Variants in SEM1 observed in about 807,000 individuals in gnomAD.
SEM1 encodes the protein 26S proteasome complex subunit SEM1.
SEM1 carries 3 observed loss-of-function variants against 12.7 expected under a neutral mutation model. The observed-to-expected ratio is 0.24, with a 90% CI of 0.11 to 0.61. The LOEUF is 0.61. Ranked by LOEUF, SEM1 falls within the 20% of genes least tolerant of loss-of-function variation. SEM1 has a pLI of 0.88. For missense variants in SEM1, 59 were observed against 81.3 expected, an observed-to-expected ratio of 0.73 and a Z score of 1.06; for synonymous variants, 30 against 27.8, an observed-to-expected ratio of 1.08 and a Z score of -0.25.
chr7:96,528,324 T>A lies in SEM1; in HGVS notation c.171-21626A>T, dbSNP rs1294079001. Among the ~76,000 whole-genome samples the A allele has an allele frequency of 2.0e-5, 3 of 152,032 alleles. No individual in the cohort carries two copies. In the East Asian group the frequency reaches 5.8e-4, roughly 30 times the overall value. On this transcript the variant is annotated intron_variant and NMD_transcript_variant, in intron 2 of 3. Transcript: ENST00000466986. ...TCCTCCTACATCAGCCTCCCAAGTA[T>A]CTGGGACTACAGGCGTGCCACCACA...
intron 2 of SEM1, among the ~76,000 whole-genome samples, chr7:96,683,231 C>A (rs1789668451): frequency 6.6e-6 from 1 of 151,526 alleles, no homozygotes; most frequent in Non-Finnish European, 1.5e-5. Flanking sequence ...ATGATATGAA[C>A]AGACACTTCT....
intron 2 of SEM1, among the ~76,000 whole-genome samples, chr7:96,681,225 GT>G (rs531846942): frequency 6.6e-6 from 1 of 152,124 alleles, no homozygotes; most frequent in Non-Finnish European, 1.5e-5. Flanking sequence ...TTTACAAGTA[GT>G]TTAGATTTTA....
intron 1 of SEM1, chr7:96,696,183 C>T (rs912274711): frequency 4.0e-5 from 6 of 151,742 alleles, no homozygotes; most frequent in African/African-American, 1.5e-4. Context: ...CCATCTCACC[C>T]TATTTTAATG....
At chr7:96,636,289 G>A (rs1446294307) in intron 2 of SEM1, among the ~76,000 whole-genome samples, 1 of 150,872 alleles carries the variant, frequency 6.6e-6, no homozygotes, top group Admixed American at 6.7e-5. Flanking sequence ...CTGGTTCCTG[G>A]TCAGAGTTTC....
chr7:96,705,045 G>A (rs993435893), intron 1 of SEM1, among the ~76,000 whole-genome samples: 2 of 152,170 alleles, frequency 1.3e-5, no homozygotes, highest in African/African-American at 4.8e-5. Flanking sequence ...ACTGTAAGAT[G>A]TCATACTTTT....
intron 2 of SEM1, among the ~76,000 whole-genome samples, chr7:96,564,876 T>A (rs1471832585): frequency 6.6e-6 from 1 of 152,064 alleles, no homozygotes; most frequent in Non-Finnish European, 1.5e-5. Context: ...TTATTGTGTT[T>A]GTATTTTCCA....
intron 1 of SEM1, among the ~76,000 whole-genome samples, chr7:96,698,816 T>C (rs1790179903): frequency 6.6e-6 from 1 of 152,186 alleles, no homozygotes; most frequent in Non-Finnish European, 1.5e-5. Context: ...TTATTTCTAG[T>C]TCTAGATCCT....
At chr7:96,665,020 G>A (rs1789132276) in intron 2 of SEM1, among the ~76,000 whole-genome samples, 1 of 152,096 alleles carries the variant, frequency 6.6e-6, no homozygotes, top group Non-Finnish European at 1.5e-5. Context: ...AGTTCTCCCA[G>A]ATTCACAATC....
chr7:96,665,782 T>TA (rs1378096355), intron 2 of SEM1, among the ~76,000 whole-genome samples: 1 of 152,194 alleles, frequency 6.6e-6, no homozygotes, highest in African/African-American at 2.4e-5. Context: ...CAAGGGTTTT[T>TA]AAGGTCTCCA....
At chr7:96,629,051 C>G (rs1048000855) in intron 2 of SEM1, among the ~76,000 whole-genome samples, 1 of 152,132 alleles carries the variant, frequency 6.6e-6, no homozygotes, top group Non-Finnish European at 1.5e-5. Context: ...TTTCTTTTCT[C>G]TTGCTGCTAT....
chr7:96,488,812 A>G (rs765500620), intron 1 of SEM1, among the ~76,000 whole-genome samples: 1 of 152,160 alleles, frequency 6.6e-6, no homozygotes, highest in Non-Finnish European at 1.5e-5. Context: ...TTCCGTGCCA[A>G]AATGAAGTGT....
chr7:96,504,083 A>G (rs1160526831), intron 3 of SEM1, among the ~76,000 whole-genome samples: 1 of 152,156 alleles, frequency 6.6e-6, no homozygotes, highest in Non-Finnish European at 1.5e-5. Context: ...GAAGCTTTGC[A>G]CTTTCTTTTT....
intron 2 of SEM1, among the ~76,000 whole-genome samples, chr7:96,658,789 T>C (rs1809269920): frequency 6.6e-6 from 1 of 152,190 alleles, no homozygotes; most frequent in Admixed American, 6.5e-5. Flanking sequence ...GGTTTTGTCA[T>C]TTCAGAGGTG....
intron 2 of SEM1, among the ~76,000 whole-genome samples, chr7:96,534,178 C>A (rs1277943536): frequency 6.6e-6 from 1 of 151,904 alleles, no homozygotes; most frequent in Non-Finnish European, 1.5e-5. Context: ...CAAAAATGAA[C>A]AAAGTGAACT....
intron 2 of SEM1, among the ~76,000 whole-genome samples, chr7:96,574,895 G>A (rs561804831): frequency 9.9e-5 from 15 of 152,196 alleles, no homozygotes; most frequent in Admixed American, 7.2e-4. Flanking sequence ...GCTTCTTTGC[G>A]TTGGGTTAGA....
chr7:96,504,636 A>G (rs554908019), intron 3 of SEM1, among the ~76,000 whole-genome samples: 1 of 152,248 alleles, frequency 6.6e-6, no homozygotes, highest in South Asian at 2.1e-4. Context: ...AATCATGCAA[A>G]TTATAAGAAA....
At chr7:96,557,528 T>C (rs967224363) in intron 2 of SEM1, among the ~76,000 whole-genome samples, 9 of 89,314 alleles carry the variant, frequency 1.0e-4, no homozygotes, top group African/African-American at 2.3e-4. Flanking sequence ...GGGACCCACT[T>C]GAGGAGGCAG....
intron 2 of SEM1, among the ~76,000 whole-genome samples, chr7:96,676,193 C>T (rs963194044): frequency 6.2e-4 from 95 of 152,160 alleles, no homozygotes; most frequent in African/African-American, 2.1e-3. Flanking sequence ...CTGCCCTTGA[C>T]CCATACATCC....
Position 96,661,742 on chromosome 7 carries a change from C to T in SEM1, c.170+33056G>A, listed in dbSNP as rs575707001. On this transcript the variant is annotated intron_variant, in intron 2 of 2. Transcript: ENST00000417009. Reference sequence around the variant, plus strand: ...GTGCCTCATGCCTGTAATCCCAGCACTTTGGGAGGCCGAGGCGGGCAGATC... The same window carrying T: ...GTGCCTCATGCCTGTAATCCCAGCATTTTGGGAGGCCGAGGCGGGCAGATC... 2.0e-4 allele frequency among the ~76,000 whole-genome samples: 30 copies of T among 152,150 alleles called. No homozygotes were observed. In the South Asian group the frequency reaches 5.6e-3, roughly 28 times the overall value.
Sources: allele counts gnomAD v4.1 joint callset (sites outside exome capture counted in the v4.1 genomes callset), GRCh38; gene constraint gnomAD v4.1.1; transcripts MANE v1.5; gene names NCBI Gene and HGNC (gene_info 2026-07-23, HGNC 2026-07-21).